The following LETMD1 variants were observed in gnomAD, a reference collection of about 807,000 sequenced individuals.
LETMD1 encodes the protein LETM1 domain-containing protein 1.
Under a neutral mutation model 43.9 loss-of-function variants are expected in LETMD1, and 30 were observed. That is an observed-to-expected ratio of 0.68 (90% CI 0.51 to 0.93). The LOEUF is 0.93. Among genes scored for constraint, LETMD1 ranks in the 40% least tolerant of loss-of-function variants. LETMD1 has a pLI of 0.00. For missense variants in LETMD1, 413 were observed against 447.7 expected, an observed-to-expected ratio of 0.92 and a Z score of 0.70; for synonymous variants, 176 against 163.1, an observed-to-expected ratio of 1.08 and a Z score of -0.60.
chr12:51,063,744 T>C (rs1156916912), downstream of LETMD1: 5 of 1,536,800 alleles, frequency 3.3e-6, no homozygotes, highest in African/African-American at 5.5e-5. Context: ...CTCTAGCGCC[T>C]GTCACACTGC....
In LETMD1 at chr12:51,059,600, A is replaced by C; in HGVS notation, c.*169A>C. The C allele has an allele frequency of 1.5e-6, 1 of 648,488 alleles. No individual in the cohort carries two copies. The highest frequency in any genetic ancestry group is 2.2e-5 in the Admixed American group (1 of 45,712). 40.2% of individuals were successfully genotyped at this position (648,488 alleles called of 1,614,324 possible). On this transcript the variant is annotated 3_prime_UTR_variant, in exon 9 of 9. Transcript: ENST00000262055. The stretch of plus-strand genomic sequence containing the variant: ...TGGCACACATGTGGGAACTGCAGAC[A>C]TTCCTCTCACAGCTAGAACTGAAAC...
intron 5 of LETMD1, 60 bp downstream of exon 5, chr12:51,056,081 A>G (rs1947622651): frequency 3.7e-6 from 6 of 1,607,970 alleles, no homozygotes; most frequent in Non-Finnish European, 4.3e-6. Flanking sequence ...AGTGTGCACT[A>G]AACTAGGTAA....
downstream of LETMD1, chr12:51,063,749 C>T (rs967943988): frequency 6.5e-7 from 1 of 1,539,558 alleles, no homozygotes; most frequent in African/African-American, 1.4e-5. Context: ...GCGCCTGTCA[C>T]ACTGCCAGAG....
downstream of LETMD1, chr12:51,064,031 C>T (rs1198778553): frequency 6.2e-7 from 1 of 1,614,232 alleles, no homozygotes; most frequent in African/African-American, 1.3e-5. Flanking sequence ...AGAAGACATT[C>T]AGATCCTTCT....
At chr12:51,051,994 T>G in intron 2 of LETMD1, 98 bp from the exon 3 acceptor site, 49 of 1,015,962 alleles carry the variant, frequency 4.8e-5, no homozygotes, top group Middle Eastern at 3.0e-4. Context: ...TGGGGAGGGG[T>G]GAGAGTGTTT....
chr12:51,048,301 A>G (rs752969742), upstream of LETMD1: 113 of 1,612,530 alleles, frequency 7.0e-5, no homozygotes, highest in Middle Eastern at 3.3e-4. Context: ...AACGCGACGT[A>G]CGGTTAACTT....
intron 1 of LETMD1, 191 bp from the exon 2 acceptor site, chr12:51,048,843 C>T: frequency 1.6e-6 from 1 of 621,062 alleles, no homozygotes; most frequent in Non-Finnish European, 2.8e-6. Flanking sequence ...ACTTTCCTGC[C>T]TGGCCTTTGC....
chr12:51,057,867 C>T (rs1282510786), intron 7 of LETMD1, 165 bp from the exon 8 acceptor site: 10 of 668,486 alleles, frequency 1.5e-5, no homozygotes, highest in African/African-American at 7.1e-5. Context: ...CCTCGTGATC[C>T]GCCTACCTCG....
downstream of LETMD1, chr12:51,064,234 G>C (rs1937872812): frequency 1.2e-5 from 19 of 1,613,568 alleles, no homozygotes; most frequent in Non-Finnish European, 1.5e-5. Flanking sequence ...AGCTGAGCCT[G>C]GATGAGAATG....
intron 2 of LETMD1, among the ~76,000 whole-genome samples, chr12:51,050,132 A>G (rs1289434513): frequency 6.6e-6 from 1 of 152,196 alleles, no homozygotes; most frequent in Non-Finnish European, 1.5e-5. Flanking sequence ...ATTTGTAGAG[A>G]TAAAATTGGC....
the LETMD1 span, among the ~76,000 whole-genome samples, chr12:51,065,611 C>A: frequency 6.6e-6 from 1 of 151,882 alleles, no homozygotes; most frequent in South Asian, 2.1e-4. Context: ...GTGTGAGCCA[C>A]CGCGCCCGGC....
chr12:51,053,660 A>G, intron 3 of LETMD1, 118 bp from the exon 4 acceptor site: 1 of 688,324 alleles, frequency 1.5e-6, no homozygotes, highest in East Asian at 2.6e-5. Context: ...AAAAGAAAGA[A>G]ATTTGGTCCT....
At chr12:51,068,013 A>C in the LETMD1 span, 1 of 1,569,194 alleles carries the variant, frequency 6.4e-7, no homozygotes, top group African/African-American at 1.3e-5. Flanking sequence ...CATGAGCGGC[A>C]TGCACCTCCT....
At chr12:51,049,431 C>T (rs1399163208) in intron 2 of LETMD1, 2 of 400,880 alleles carry the variant, frequency 5.0e-6, no homozygotes, top group African/African-American at 2.0e-5. Flanking sequence ...GGTATGTTCT[C>T]GTACTTTCTT....
chr12:51,059,029 G>A (rs1232625886), intron 8 of LETMD1: 3 of 334,550 alleles, frequency 9.0e-6, no homozygotes, highest in Non-Finnish European at 1.7e-5. Flanking sequence ...TGTTAGGGTA[G>A]GCCTACTAAT....
At chr12:51,064,757 G>T, downstream of LETMD1, 1 of 1,180,908 alleles carries the variant, frequency 8.5e-7, no homozygotes, top group Non-Finnish European at 1.2e-6. Flanking sequence ...ACAGGCAGTT[G>T]GGATTTGAGG....
intron 7 of LETMD1, 33 bp from the exon 8 acceptor site, chr12:51,057,996 GATT>G: frequency 1.6e-6 from 2 of 1,241,916 alleles, no homozygotes; most frequent in Non-Finnish European, 2.4e-6. Flanking sequence ...ATCATTCTAT[GATT>G]ATTAAGGACC....
intron 1 of LETMD1, chr12:51,048,683 T>A: frequency 1.5e-6 from 1 of 658,258 alleles, no homozygotes; most frequent in East Asian, 2.8e-5. Context: ...TATTGTCTGG[T>A]TTCCCCGCGT....
At chr12:51,068,296 CG>C in the LETMD1 span, among the ~76,000 whole-genome samples, 1 of 152,112 alleles carries the variant, frequency 6.6e-6, no homozygotes, top group African/African-American at 2.4e-5. Context: ...GGATTACAGG[CG>C]TGAGTCACCA....
Sources: allele counts gnomAD v4.1 joint callset (sites outside exome capture counted in the v4.1 genomes callset), GRCh38; gene constraint gnomAD v4.1.1; transcripts MANE v1.5; gene names NCBI Gene and HGNC (gene_info 2026-07-23, HGNC 2026-07-21).